The following PTGR2 variants were observed in gnomAD, a reference collection of about 807,000 sequenced individuals.
The protein encoded by PTGR2 is prostaglandin reductase 2.
PTGR2 carries 32 observed loss-of-function variants against 43.4 expected under a neutral mutation model. The observed-to-expected ratio is 0.74, with a 90% CI of 0.56 to 0.99. PTGR2 has a LOEUF of 0.99. Ranked by LOEUF, PTGR2 falls within the 50% of genes least tolerant of loss-of-function variation. The pLI is 0.00. For missense variants in PTGR2, 373 were observed against 420.0 expected (o/e 0.89, Z 0.98); for synonymous variants, 106 against 139.2 (o/e 0.76, Z 1.68).
At chr14:73,872,581 A>T (rs1345467457) in intron 3 of PTGR2, among the ~76,000 whole-genome samples, 1 of 152,184 alleles carries the variant, frequency 6.6e-6, no homozygotes, top group Non-Finnish European at 1.5e-5. Flanking sequence ...CATACATTTC[A>T]TGCATTTAAA....
intron 1 of PTGR2, among the ~76,000 whole-genome samples, chr14:73,853,672 T>A (rs763700621): frequency 6.6e-6 from 1 of 152,064 alleles, no homozygotes; most frequent in Non-Finnish European, 1.5e-5. Context: ...ACCTCACAGT[T>A]TTTTTGGGGT....
At chr14:73,859,064 T>G (rs2054428199) in intron 2 of PTGR2, among the ~76,000 whole-genome samples, 165 bp downstream of exon 2, 1 of 152,134 alleles carries the variant, frequency 6.6e-6, no homozygotes, top group Non-Finnish European at 1.5e-5. Context: ...AATTTTCAAG[T>G]GTTAGCTTAT....
intron 2 of PTGR2, 108 bp from the exon 3 acceptor site, chr14:73,860,431 C>T: frequency 1.8e-6 from 1 of 555,922 alleles, no homozygotes; most frequent in East Asian, 3.5e-5. Context: ...CGCGCCACTG[C>T]ATTCCAGCCT....
intron 4 of PTGR2, 55 bp downstream of exon 4, chr14:73,874,269 T>G: frequency 3.0e-6 from 4 of 1,319,168 alleles, no homozygotes; most frequent in Non-Finnish European, 4.2e-6. Context: ...TCTTACTTTG[T>G]GCATTTGATA....
chr14:73,866,324 A>G (rs1405742055), intron 3 of PTGR2, among the ~76,000 whole-genome samples: 1 of 151,832 alleles, frequency 6.6e-6, no homozygotes, highest in African/African-American at 2.4e-5. Context: ...ATTTTAGTAG[A>G]GACAGGGTTT....
chr14:73,883,380 T>A (rs1187528384), intron 9 of PTGR2, among the ~76,000 whole-genome samples: 1 of 149,400 alleles, frequency 6.7e-6, no homozygotes, highest in Non-Finnish European at 1.5e-5. Flanking sequence ...TTTTTAATTT[T>A]CCATAGAAAC....
At chr14:73,880,215 G>A (rs2054950210) in intron 7 of PTGR2, 39 bp downstream of exon 7, 1 of 1,607,808 alleles carries the variant, frequency 6.2e-7, no homozygotes. Flanking sequence ...CAGGTTCATG[G>A]GGTTTTAAAT....
At chr14:73,857,686 T>TTTTTTTTTTTTA (rs2054389576) in intron 1 of PTGR2, among the ~76,000 whole-genome samples, 1 of 133,278 alleles carries the variant, frequency 7.5e-6, no homozygotes, top group African/African-American at 2.6e-5. Flanking sequence ...TTTTTTTTTT[T>TTTTTTTTTTTTA]GAGACAGAAT....
intron 3 of PTGR2, among the ~76,000 whole-genome samples, chr14:73,868,936 C>G (rs565651472): frequency 4.6e-5 from 7 of 152,286 alleles, no homozygotes; most frequent in African/African-American, 1.4e-4. Context: ...AGGCAGTTGT[C>G]TTCGTATCTA....
chr14:73,869,863 G>A (rs759674138), intron 3 of PTGR2, among the ~76,000 whole-genome samples: 1 of 151,986 alleles, frequency 6.6e-6, no homozygotes, highest in African/African-American at 2.4e-5. Flanking sequence ...CCGTCTCTAC[G>A]AAAACTACAA....
chr14:73,860,541 A>G lies in PTGR2; in HGVS notation c.40A>G (p.Lys14Glu), dbSNP rs770998732. 15 of 1,500,214 alleles carry G rather than the reference A, an allele frequency of 1.0e-5. No homozygotes were observed. Among genetic ancestry groups the G allele is most frequent in the Non-Finnish European group, 1.3e-5 (14 of 1,092,352 alleles). 92.9% of individuals were successfully genotyped at this position (1,500,214 alleles called of 1,614,324 possible). Residue 14 changes from lysine to glutamate, a missense_variant and splice_region_variant, in exon 3 of 10, where the codon AAA (lysine) becomes GAA (glutamate). Physicochemically the swap from Lys to Glu is moderately conservative, Grantham distance 56. Coordinates refer to ENST00000555661, the MANE Select transcript of PTGR2 (RefSeq NM_001146154.2). ...TATATTTTTGCATAATATTTTAGGA[A>G]AAAATGGTAATCCAGTGGCAGAGAA... The part of the protein sequence containing the change: ...QRVVLNSRPG[K>E]NGNPVAENFR...
At chr14:73,867,537 G>A (rs975852620) in intron 3 of PTGR2, among the ~76,000 whole-genome samples, 2 of 151,894 alleles carry the variant, frequency 1.3e-5, no homozygotes, top group African/African-American at 4.8e-5. Flanking sequence ...AAAAATGATG[G>A]AACAACTAGG....
At chr14:73,879,420 T>C (rs1032973329) in intron 6 of PTGR2, 115 bp downstream of exon 6, 1 of 894,244 alleles carries the variant, frequency 1.1e-6, no homozygotes, top group Admixed American at 2.3e-5. Context: ...TGTGACTTAA[T>C]GTGATGATCA....
At chr14:73,875,511 A>G (rs1431972691) in intron 4 of PTGR2, among the ~76,000 whole-genome samples, 1 of 151,744 alleles carries the variant, frequency 6.6e-6, no homozygotes, top group African/African-American at 2.4e-5. Context: ...ATGGCTGGCT[A>G]ATTTTTGTAT....
At chr14:73,880,298 C>A in intron 7 of PTGR2, 122 bp downstream of exon 7, 2 of 1,206,298 alleles carry the variant, frequency 1.7e-6, no homozygotes, top group Non-Finnish European at 2.4e-6. Context: ...TTAGGTCGGG[C>A]ATAGTGGCTT....
chr14:73,864,444 C>T (rs538137678), intron 3 of PTGR2, among the ~76,000 whole-genome samples: 1 of 152,240 alleles, frequency 6.6e-6, no homozygotes, highest in Non-Finnish European at 1.5e-5. Context: ...CACATCCTCA[C>T]TAACACTTGT....
chr14:73,862,539 G>T (rs970564030), intron 3 of PTGR2, among the ~76,000 whole-genome samples: 1 of 152,086 alleles, frequency 6.6e-6, no homozygotes, highest in Non-Finnish European at 1.5e-5. Context: ...AGTTGAAACA[G>T]AAGTATATAA....
In PTGR2 at chr14:73,871,341, C is replaced by CTTTT. The variant is rs869073652; in HGVS notation, c.157-2659_157-2656dup. 1.1e-3 allele frequency among the ~76,000 whole-genome samples: 72 copies of CTTTT among 67,854 alleles called. 2 individuals are homozygous for CTTTT. Among genetic ancestry groups the CTTTT allele is most frequent in the Admixed American group, 1.6e-3 (9 of 5,522 alleles). 44.5% of individuals were successfully genotyped at this position (67,854 alleles called of 152,430 possible). Reference sequence around the variant, plus strand: ...GCATCTCTTCTATTTGGCTGTTCATCTTTTTTTTTTTTTTTTTTTTTTTTT... The same window carrying CTTTT: ...GCATCTCTTCTATTTGGCTGTTCATCTTTTTTTTTTTTTTTTTTTTTTTTTTTTT... On this transcript the variant is annotated intron_variant, in intron 3 of 9. Coordinates refer to ENST00000555661, the MANE Select transcript of PTGR2 (RefSeq NM_001146154.2).
intron 5 of PTGR2, chr14:73,878,839 G>A: frequency 4.6e-6 from 2 of 436,436 alleles, no homozygotes; most frequent in Non-Finnish European, 8.3e-6. Flanking sequence ...AACTAATGAT[G>A]GTTTTATTGG....
Sources: gnomAD v4.1 joint callset for allele counts (sites outside exome capture counted in the v4.1 genomes callset) on GRCh38, gnomAD v4.1.1 for gene constraint, MANE v1.5 for transcripts, NCBI Gene and HGNC (gene_info 2026-07-23, HGNC 2026-07-21) for gene names.